TRDN: variants seen among roughly 807,000 people sequenced by gnomAD.
TRDN encodes triadin in skeletal muscle.
TRDN carries 161 observed loss-of-function variants against 149.7 expected under a neutral mutation model. The observed-to-expected ratio is 1.08, with a 90% CI of 0.95 to 1.23. The LOEUF (loss-of-function observed/expected upper bound fraction) is 1.23, where lower values mean the gene tolerates loss of function less well. Among genes scored for constraint, TRDN ranks in the 50% most tolerant of loss-of-function variants. TRDN has a pLI of 0.00. For synonymous variants in TRDN, 294 were observed against 250.5 expected (o/e 1.17, Z -1.64); for missense variants, 896 against 823.5 (o/e 1.09, Z -1.08).
At chr6:123,530,252 T>C (rs1780172945) in intron 5 of TRDN, among the ~76,000 whole-genome samples, 1 of 152,040 alleles carries the variant, frequency 6.6e-6, no homozygotes, top group South Asian at 2.1e-4. Flanking sequence ...CTCTTAGTAA[T>C]TGTAAATAAT....
intron 1 of TRDN, among the ~76,000 whole-genome samples, chr6:123,626,978 G>A (rs1370839429): frequency 6.6e-6 from 1 of 151,094 alleles, no homozygotes; most frequent in Non-Finnish European, 1.5e-5. Context: ...CCCCAGGCTG[G>A]AGTGCAGTGG....
At chr6:123,227,745 G>T (rs66508404) in intron 38 of TRDN, among the ~76,000 whole-genome samples, 1 of 69,990 alleles carries the variant, frequency 1.4e-5, no homozygotes, top group Non-Finnish European at 3.4e-5. Flanking sequence ...TTGTTTGTTT[G>T]TTTGTTTTTG....
At chr6:123,441,396 A>G (rs527923217) in intron 10 of TRDN, among the ~76,000 whole-genome samples, 2 of 152,276 alleles carry the variant, frequency 1.3e-5, no homozygotes, top group East Asian at 1.9e-4. Flanking sequence ...GAAGAATTAG[A>G]GCATTTAAGC....
At chr6:123,621,119 C>T (rs1421915378) in intron 1 of TRDN, among the ~76,000 whole-genome samples, 1 of 152,116 alleles carries the variant, frequency 6.6e-6, no homozygotes, top group African/African-American at 2.4e-5. Context: ...TTGAATGCCT[C>T]ACTCTACATG....
At chr6:123,394,965 G>A (rs1056385044) in intron 12 of TRDN, among the ~76,000 whole-genome samples, 1 of 151,944 alleles carries the variant, frequency 6.6e-6, no homozygotes, top group South Asian at 2.1e-4. Context: ...TAGTAGACAA[G>A]TATTAAATAA....
At chr6:123,493,316 T>C (rs547041633) in intron 9 of TRDN, among the ~76,000 whole-genome samples, 8 of 152,140 alleles carry the variant, frequency 5.3e-5, no homozygotes, top group African/African-American at 1.2e-4. Context: ...GTCCCTATAA[T>C]TGAAGTGAGG....
intron 7 of TRDN, among the ~76,000 whole-genome samples, chr6:123,511,183 T>C (rs1779167086): frequency 6.6e-6 from 1 of 152,196 alleles, no homozygotes. Flanking sequence ...AGGTCTAGTT[T>C]CATTCTTCTA....
chr6:123,635,185 T>C (rs531726723), intron 1 of TRDN, among the ~76,000 whole-genome samples: 1 of 152,154 alleles, frequency 6.6e-6, no homozygotes, highest in Non-Finnish European at 1.5e-5. Flanking sequence ...TTTTTATACA[T>C]AGCTTTCTTT....
chr6:123,377,565 T>A, intron 18 of TRDN, 151 bp downstream of exon 18: 1 of 840,738 alleles, frequency 1.2e-6, no homozygotes, highest in Non-Finnish European at 1.9e-6. Flanking sequence ...TGCATTGATG[T>A]TATGTCCATG....
At chr6:123,341,014 A>G (rs992355208) in intron 21 of TRDN, among the ~76,000 whole-genome samples, 2 of 151,834 alleles carry the variant, frequency 1.3e-5, no homozygotes, top group Non-Finnish European at 2.9e-5. Context: ...ATTCGAATGC[A>G]ATTTTGATAA....
intron 24 of TRDN, among the ~76,000 whole-genome samples, chr6:123,301,770 C>CGT (rs1778427486): frequency 1.7e-5 from 1 of 57,834 alleles, no homozygotes; most frequent in African/African-American, 3.8e-5. Flanking sequence ...TATATATATA[C>CGT]ATATATATAT....
intron 1 of TRDN, among the ~76,000 whole-genome samples, chr6:123,611,015 C>T (rs184580216): frequency 6.6e-6 from 1 of 152,220 alleles, no homozygotes; most frequent in African/African-American, 2.4e-5. Flanking sequence ...TGTGATAACA[C>T]TGTAGCACAA....
intron 2 of TRDN, among the ~76,000 whole-genome samples, chr6:123,564,803 T>C (rs1782197131): frequency 1.3e-5 from 2 of 152,228 alleles, no homozygotes; most frequent in African/African-American, 2.4e-5. Flanking sequence ...GATTATTGTA[T>C]TTAATTCTTA....
rs79725774 is a variant in TRDN, at chr6:123,393,084, A to G, written c.1105+540T>C. Among the ~76,000 whole-genome samples the G allele has an allele frequency of 2.0e-4, 31 of 152,208 alleles. No individual in the cohort carries two copies. In the East Asian group the frequency reaches 4.6e-3, roughly 23 times the overall value. On this transcript the variant is annotated intron_variant, in intron 13 of 40. Transcript: ENST00000334268. The stretch of plus-strand genomic sequence containing the variant: ...ATCAAATTAATCCTCATGGTGTGAG[A>G]CGAAACCACTTTAGTTATCCTGAAG...
chr6:123,283,370 G>C (rs892521038), intron 24 of TRDN, among the ~76,000 whole-genome samples: 2 of 151,620 alleles, frequency 1.3e-5, no homozygotes, highest in African/African-American at 4.8e-5. Context: ...AAGTCTAAAA[G>C]AGCACAAATA....
intron 10 of TRDN, among the ~76,000 whole-genome samples, chr6:123,443,700 G>A (rs1164008388): frequency 2.0e-5 from 3 of 151,194 alleles, no homozygotes; most frequent in Non-Finnish European, 4.4e-5. Context: ...TTTTGTATAA[G>A]GTGTAAGGAA....
At chr6:123,237,897 A>T (rs1218442518) in intron 38 of TRDN, among the ~76,000 whole-genome samples, 1 of 152,194 alleles carries the variant, frequency 6.6e-6, no homozygotes, top group African/African-American at 2.4e-5. Flanking sequence ...CAGAGAGAAA[A>T]GATATATTAC....
At chr6:123,270,851 T>C (rs1777182588) in intron 30 of TRDN, among the ~76,000 whole-genome samples, 2 of 152,172 alleles carry the variant, frequency 1.3e-5, no homozygotes, top group African/African-American at 4.8e-5. Flanking sequence ...TAAGTATACA[T>C]GGTAATCAAT....
At chr6:123,337,594 T>C (rs1205477891) in intron 22 of TRDN, 25 bp downstream of exon 22, 1 of 1,137,004 alleles carries the variant, frequency 8.8e-7, no homozygotes, top group Non-Finnish European at 1.2e-6. Context: ...AAATTTGTAA[T>C]ATTATATTAA....
Sources: gnomAD v4.1 joint callset for allele counts (sites outside exome capture counted in the v4.1 genomes callset) on GRCh38, gnomAD v4.1.1 for gene constraint, MANE v1.5 for transcripts, NCBI Gene and HGNC (gene_info 2026-07-23, HGNC 2026-07-21) for gene names.